PMS1: variants seen among roughly 807,000 people sequenced by gnomAD.
PMS1 encodes PMS1 homolog 1, mismatch repair system component, also known as PMS1 protein homolog 1.
In PMS1, 79 loss-of-function variants were observed where a neutral mutation model predicts 93.1. The ratio of observed to expected loss-of-function variants is 0.85; its 90% CI spans 0.71 to 1.02. PMS1 has a LOEUF of 1.02. Among genes scored for constraint, PMS1 ranks in the 50% least tolerant of loss-of-function variants. The probability of loss-of-function intolerance (pLI) is 0.00; values close to 1 mark genes in which losing one functional copy is unlikely to be tolerated. For synonymous variants in PMS1, 335 were observed against 363.4 expected (o/e 0.92, Z 0.89); for missense variants, 1,064 against 1,085.3 (o/e 0.98, Z 0.28).
At chr2:189,832,656 CG>C (rs1252926610) in intron 5 of PMS1, among the ~76,000 whole-genome samples, 1 of 151,866 alleles carries the variant, frequency 6.6e-6, no homozygotes, top group African/African-American at 2.4e-5. Flanking sequence ...TAGTAGAGAC[CG>C]GGTTTCACTG....
At chr2:189,834,980 G>C (rs897908981) in intron 5 of PMS1, among the ~76,000 whole-genome samples, 1 of 152,038 alleles carries the variant, frequency 6.6e-6, no homozygotes, top group Non-Finnish European at 1.5e-5. Context: ...CAAAGTGCTG[G>C]GATTACAGGC....
Position 189,818,042 on chromosome 2 carries a change from AT to A in PMS1, c.447del (p.Phe149LeufsTer6), listed in dbSNP as rs1471232038. ...GTACAACTGTAACTGCTTTAAGATT[AT>A]TTAAGAATCTACCTGTAAGAAAGCA... ...QGTTVTALRL[F>X]KNLPVRKQFY... On this transcript the variant is annotated frameshift_variant, in exon 5 of 13. Coordinates refer to ENST00000441310, the MANE Select transcript of PMS1 (RefSeq NM_000534.5). LOFTEE classifies it high-confidence loss of function. The A allele has an allele frequency of 8.1e-6, 13 of 1,610,142 alleles. No individual in the cohort carries two copies. The highest frequency in any genetic ancestry group is 1.3e-5 in the African/African-American group (1 of 74,850).
rs1254678581 is a variant in PMS1, at chr2:189,867,811, A to G, written c.2355A>G (p.Gly785=). The stretch of plus-strand genomic sequence containing the variant: ...ATTTCTTTTTCAGTCTTTTTAATGG[A>G]TCTCATTATTTAGACGTTTTATATA... ...PIMLTESLFN[G]SHYLDVLYKM... Residue 785 remains glycine, a synonymous_variant, in exon 11 of 13, where the codon GGA becomes GGG. Coordinates refer to ENST00000441310, the MANE Select transcript of PMS1 (RefSeq NM_000534.5). 1 of 1,571,892 alleles carries G rather than the reference A, an allele frequency of 6.4e-7. No individual in the cohort carries two copies. The highest frequency in any genetic ancestry group is 8.8e-7 in the Non-Finnish European group (1 of 1,141,828).
chr2:189,871,142 C>A (rs189326487), intron 11 of PMS1, among the ~76,000 whole-genome samples: 1 of 152,150 alleles, frequency 6.6e-6, no homozygotes, highest in African/African-American at 2.4e-5. Flanking sequence ...GAACTTCTTT[C>A]GCTAGATAGT....
At chr2:189,875,507 C>T (rs917146168) in intron 12 of PMS1, among the ~76,000 whole-genome samples, 1 of 151,974 alleles carries the variant, frequency 6.6e-6, no homozygotes, top group African/African-American at 2.4e-5. Context: ...GTTCAAGGGT[C>T]TGCTGTGGTA....
chr2:189,834,592 T>C (rs2053228864), intron 5 of PMS1, among the ~76,000 whole-genome samples: 1 of 152,254 alleles, frequency 6.6e-6, no homozygotes, highest in Admixed American at 6.5e-5. Flanking sequence ...ATTTCCGATG[T>C]AAATAAGATT....
chr2:189,872,678 G>A (rs1360830209), intron 11 of PMS1, among the ~76,000 whole-genome samples: 1 of 152,080 alleles, frequency 6.6e-6, no homozygotes, highest in Admixed American at 6.5e-5. Flanking sequence ...TGTTGCCCAG[G>A]CTGGAGTGCA....
At chr2:189,841,910 AAAGGGGAGCT>A (rs1250534522) in intron 5 of PMS1, among the ~76,000 whole-genome samples, 1 of 25,590 alleles carries the variant, frequency 3.9e-5, no homozygotes, top group Non-Finnish European at 7.8e-5. Flanking sequence ...ATTTTAGAAC[AAAGGGGAGCT>A]GTCTCAGCCT....
intron 5 of PMS1, among the ~76,000 whole-genome samples, chr2:189,827,285 T>G (rs1301016407): frequency 6.6e-6 from 1 of 152,216 alleles, no homozygotes; most frequent in Non-Finnish European, 1.5e-5. Context: ...ACTGTAGATT[T>G]CTCTTCCAAA....
intron 6 of PMS1, among the ~76,000 whole-genome samples, chr2:189,848,959 C>G (rs1346488670): frequency 1.3e-5 from 2 of 152,206 alleles, no homozygotes; most frequent in Non-Finnish European, 2.9e-5. Flanking sequence ...CACCTCACTT[C>G]TGTCCCCATT....
chr2:189,819,746 T>G (rs2051662161), intron 5 of PMS1, among the ~76,000 whole-genome samples: 1 of 152,214 alleles, frequency 6.6e-6, no homozygotes, highest in Admixed American at 6.5e-5. Context: ...TTTTTGAGCT[T>G]CTTATACCTT....
At chr2:189,800,241 TA>T (rs1158415476) in intron 3 of PMS1, among the ~76,000 whole-genome samples, 1 of 152,244 alleles carries the variant, frequency 6.6e-6, no homozygotes, top group Non-Finnish European at 1.5e-5. Context: ...TTCAGTAATG[TA>T]TTTTCCGTGG....
chr2:189,866,919 C>T lies in PMS1; in HGVS notation c.2343-880C>T, dbSNP rs5743165. Among the ~76,000 whole-genome samples, 489 of 152,234 alleles carry T rather than the reference C, an allele frequency of 3.2e-3. 1 individual carries two copies. The highest frequency in any genetic ancestry group is 5.0e-3 in the Non-Finnish European group (340 of 68,008). On this transcript the variant is annotated intron_variant, in intron 10 of 12. Transcript: ENST00000441310. ...CCACCATCCCTACTGTCTCTCAGATCGATTTTTAGGATATTGGTTAGATGA... is the reference window on the plus strand; with the variant it reads ...CCACCATCCCTACTGTCTCTCAGATTGATTTTTAGGATATTGGTTAGATGA...
intron 6 of PMS1, 55 bp downstream of exon 6, chr2:189,844,135 A>G: frequency 1.2e-6 from 2 of 1,608,204 alleles, no homozygotes; most frequent in Admixed American, 1.7e-5. Flanking sequence ...AGCTGTTCAC[A>G]TATTTCCCTT....
chr2:189,834,537 G>A (rs1271752257), intron 5 of PMS1, among the ~76,000 whole-genome samples: 1 of 152,126 alleles, frequency 6.6e-6, no homozygotes, highest in Non-Finnish European at 1.5e-5. Flanking sequence ...TCGTTGTCTG[G>A]CAAGTTACAC....
At chr2:189,876,770 CTTT>C (rs150660131) in intron 12 of PMS1, among the ~76,000 whole-genome samples, 1 of 117,888 alleles carries the variant, frequency 8.5e-6, no homozygotes, top group African/African-American at 3.6e-5. Flanking sequence ...ACCGTGCCCA[CTTT>C]TTTTTTTTTT....
intron 3 of PMS1, among the ~76,000 whole-genome samples, chr2:189,799,203 G>A (rs2049649697): frequency 6.6e-6 from 1 of 152,126 alleles, no homozygotes; most frequent in African/African-American, 2.4e-5. Context: ...TCACAATAGT[G>A]GAAAACTATA....
chr2:189,845,661 T>A (rs1302669303), intron 6 of PMS1, among the ~76,000 whole-genome samples: 2 of 152,178 alleles, frequency 1.3e-5, no homozygotes, highest in Non-Finnish European at 2.9e-5. Context: ...TATCTTTTTA[T>A]AGGAATGATG....
At chr2:189,793,972 T>C (rs1462393971) in intron 2 of PMS1, among the ~76,000 whole-genome samples, 1 of 152,188 alleles carries the variant, frequency 6.6e-6, no homozygotes, top group Non-Finnish European at 1.5e-5. Context: ...CCCAGGCTGG[T>C]CTCGAACTGC....
Sources: allele counts gnomAD v4.1 joint callset (sites outside exome capture counted in the v4.1 genomes callset), GRCh38; gene constraint gnomAD v4.1.1; transcripts MANE v1.5; gene names NCBI Gene and HGNC (gene_info 2026-07-23, HGNC 2026-07-21).